The following LSM8 variants were observed in gnomAD, a reference collection of about 807,000 sequenced individuals.
LSM8 encodes LSM8 homolog, U6 small nuclear RNA associated.
LSM8 carries 14 observed loss-of-function variants against 15.0 expected under a neutral mutation model. That is an observed-to-expected ratio of 0.93 (90% CI 0.62 to 1.46). The LOEUF (loss-of-function observed/expected upper bound fraction) is 1.46. LSM8 is among the 40% of genes most tolerant of loss of function. The probability of loss-of-function intolerance (pLI) is 0.00; values close to 1 mark genes in which losing one functional copy is unlikely to be tolerated. For missense variants in LSM8, 90 were observed against 115.4 expected (o/e 0.78, Z 1.01); for synonymous variants, 50 against 42.1 (o/e 1.19, Z -0.73).
Position 118,201,789 on chromosome 7 carries a change from CTT to C in LSM8, c.*9791_*9792del, listed in dbSNP as rs1424814515. The stretch of plus-strand genomic sequence containing the variant: ...GTATACATTTGTGGTAACACTTTAA[CTT>C]TTTCCCTGTAAGGCCATCTTTTGTA... On this transcript the variant is annotated 3_prime_UTR_variant, in exon 4 of 4. Transcript: ENST00000249299. Among the ~76,000 whole-genome samples the C allele has an allele frequency of 6.6e-6, 1 of 152,010 alleles. No homozygotes were observed. Among genetic ancestry groups the C allele is most frequent in the African/African-American group, 2.4e-5 (1 of 41,410 alleles).
intron 2 of LSM8, among the ~76,000 whole-genome samples, chr7:118,186,506 C>T (rs1317204147): frequency 6.6e-6 from 1 of 151,872 alleles, no homozygotes; most frequent in Non-Finnish European, 1.5e-5. Context: ...TCACTGGGTC[C>T]TTAGTGACTA....
chr7:118,191,919 A>G lies in LSM8; in HGVS notation c.208A>G (p.Ile70Val), dbSNP rs1584707486. The G allele has an allele frequency of 6.2e-7, 1 of 1,610,618 alleles. No individual in the cohort carries two copies. Among genetic ancestry groups the G allele is most frequent in the East Asian group, 2.2e-5 (1 of 44,746 alleles). The change falls in exon 4 of 4, where the codon ATT (isoleucine) becomes GTT (valine). Residue 70 changes from isoleucine (I) to valine (V), a missense_variant. Coordinates refer to ENST00000249299, the MANE Select transcript of LSM8 (RefSeq NM_016200.5). ...TAACTCTGACTTTTTTAGTGCAGTC[A>G]TTGGAGAAATCGATGAAGAAACAGA... ...YIVRGDNVAV[I>V]GEIDEETDSA...
chr7:118,190,183 T>A (rs1420737179), intron 3 of LSM8: 1 of 152,212 alleles, frequency 6.6e-6, no homozygotes, highest in Non-Finnish European at 1.5e-5. Flanking sequence ...GAATAAATAA[T>A]TTGATCTGTA....
In LSM8 at chr7:118,202,430, C is replaced by G. The variant is rs10226152; in HGVS notation, c.*10428C>G. ...CCCAGTACCCAGGCCACTATTTTCT[C>G]TTTGCCATCCTTTTGTTCTAATAAT... On this transcript the variant is annotated 3_prime_UTR_variant, in exon 4 of 4. Transcript: ENST00000249299. 0.73 allele frequency among the ~76,000 whole-genome samples: 110,482 copies of G among 151,842 alleles called. 40,516 individuals are homozygous for G. Among genetic ancestry groups the G allele is most frequent in the South Asian group, 0.85 (4,073 of 4,812 alleles).
rs764435603 is a variant in LSM8, at chr7:118,192,014, A to G, written c.*12A>G. The stretch of plus-strand genomic sequence containing the variant: ...CTGTAGCACACTGAGGAAAAACTAC[A>G]TACTTGGACATCTGTAAATCTTTGT... On this transcript the variant is annotated 3_prime_UTR_variant, in exon 4 of 4. Coordinates refer to ENST00000249299, the MANE Select transcript of LSM8 (RefSeq NM_016200.5). 7.5e-5 allele frequency: 118 copies of G among 1,566,622 alleles called. 1 individual carries two copies. The South Asian group carries it at 1.2e-3, about 16-fold the overall frequency.
chr7:118,185,549 A>T (rs79298781), intron 1 of LSM8, 105 bp from the exon 2 acceptor site: 66,892 of 1,002,826 alleles, frequency 0.067, 2,525 homozygotes, highest in East Asian at 0.11. Flanking sequence ...TTGAATACTT[A>T]TACCTAGTTG....
chr7:118,191,869 A>C (rs1374041078), intron 3 of LSM8, 43 bp from the exon 4 acceptor site: 1 of 1,462,528 alleles, frequency 6.8e-7, no homozygotes, highest in Admixed American at 1.8e-5. Context: ...AACACATGTA[A>C]TTTATTTCAG....
Position 118,195,800 on chromosome 7 carries a change from T to A in LSM8, c.*3798T>A, listed in dbSNP as rs1809067927. Among the ~76,000 whole-genome samples, 1 of 152,188 alleles carries A rather than the reference T, an allele frequency of 6.6e-6. No homozygotes were observed. Among genetic ancestry groups the A allele is most frequent in the African/African-American group, 2.4e-5 (1 of 41,446 alleles). ...AAGTCATGGGCAAATTTGATAAAAA[T>A]TCCTTTCTGTCTACATGTAATACTG... On this transcript the variant is annotated 3_prime_UTR_variant, in exon 4 of 4. Coordinates refer to ENST00000249299, the MANE Select transcript of LSM8 (RefSeq NM_016200.5).
rs1000895155 is a variant in LSM8 at position 118,196,170 on chromosome 7, T to C, written c.*4168T>C. Reference sequence around the variant, plus strand: ...CAAGCCATTAATACATGCCAGGCAGTATGCTCAAAGCTGTGGATAGGCCAG... The same window carrying C: ...CAAGCCATTAATACATGCCAGGCAGCATGCTCAAAGCTGTGGATAGGCCAG... On this transcript the variant is annotated 3_prime_UTR_variant, in exon 4 of 4. Coordinates refer to ENST00000249299, the MANE Select transcript of LSM8 (RefSeq NM_016200.5). Among the ~76,000 whole-genome samples the C allele has an allele frequency of 6.6e-6, 1 of 152,186 alleles. No homozygotes were observed. The highest frequency in any genetic ancestry group is 6.5e-5 in the Admixed American group (1 of 15,282).
chr7:118,186,020 A>C (rs2116318053), intron 2 of LSM8, among the ~76,000 whole-genome samples: 1 of 152,096 alleles, frequency 6.6e-6, no homozygotes, highest in East Asian at 1.9e-4. Context: ...AATTTTTTTG[A>C]AATTTTGCAT....
rs1309738357 is a variant in LSM8 at position 118,202,373 on chromosome 7, GT to G, written c.*10373del. On this transcript the variant is annotated 3_prime_UTR_variant, in exon 4 of 4. Coordinates refer to ENST00000249299, the MANE Select transcript of LSM8 (RefSeq NM_016200.5). ...GAACAGAAAAGTGAAAAGCAAGGCA[GT>G]TCAGACTGGGGCACCTACTCAAAGA... Among the ~76,000 whole-genome samples the G allele has an allele frequency of 6.6e-6, 1 of 151,978 alleles. No individual in the cohort carries two copies. Among genetic ancestry groups the G allele is most frequent in the Non-Finnish European group, 1.5e-5 (1 of 67,946 alleles).
rs952124856 is a variant in LSM8, at chr7:118,196,116, G to C, written c.*4114G>C. ...CCTGTCCACAAACTTCAAAAAAATA[G>C]ATTTTGGAATTTTGTCAGGGACACT... On this transcript the variant is annotated 3_prime_UTR_variant, in exon 4 of 4. Transcript: ENST00000249299. Among the ~76,000 whole-genome samples the C allele has an allele frequency of 1.8e-4, 27 of 152,102 alleles. No homozygotes were observed. Among genetic ancestry groups the C allele is most frequent in the African/African-American group, 6.5e-4 (27 of 41,410 alleles).
In LSM8 at chr7:118,194,771, C is replaced by T. The variant is rs993953486; in HGVS notation, c.*2769C>T. ...GCCAGGGTTGTAAGGCAACTCTTAA[C>T]TGACAATATAGTTAGTATATTCTGG... On this transcript the variant is annotated 3_prime_UTR_variant, in exon 4 of 4. Transcript: ENST00000249299. Among the ~76,000 whole-genome samples, 5 of 152,212 alleles carry T rather than the reference C, an allele frequency of 3.3e-5. No homozygotes were observed. Among genetic ancestry groups the T allele is most frequent in the African/African-American group, 1.2e-4 (5 of 41,532 alleles).
chr7:118,197,672 C>T lies in LSM8; in HGVS notation c.*5670C>T, dbSNP rs549482607. 1.3e-5 allele frequency among the ~76,000 whole-genome samples: 2 copies of T among 152,140 alleles called. No homozygotes were observed. The highest frequency in any genetic ancestry group is 3.9e-4 in the East Asian group (2 of 5,188). On this transcript the variant is annotated 3_prime_UTR_variant, in exon 4 of 4. Coordinates refer to ENST00000249299, the MANE Select transcript of LSM8 (RefSeq NM_016200.5). ...GATAAGCTTTATTTTAATTGTGATT[C>T]TGCTAATTACAGAGACACTTCAATT...
Position 118,192,074 on chromosome 7 carries a change from G to GT in LSM8, c.*77dup. On this transcript the variant is annotated 3_prime_UTR_variant, in exon 4 of 4. Coordinates refer to ENST00000249299, the MANE Select transcript of LSM8 (RefSeq NM_016200.5). ...GATTATTCTGAGGATGATATATGGA[G>GT]TTTTTATGAGTGTGTCACTGGATTT... is the stretch of plus-strand genomic sequence containing the variant. 2 of 1,110,582 alleles carry GT rather than the reference G, an allele frequency of 1.8e-6. No individual in the cohort carries two copies. The highest frequency in any genetic ancestry group is 2.6e-6 in the Non-Finnish European group (2 of 770,832). 68.8% of individuals were successfully genotyped at this position (1,110,582 alleles called of 1,614,324 possible).
At position 118,200,402 on chromosome 7, in the gene LSM8, C is replaced by A. The variant is rs1277202387; in HGVS notation, c.*8400C>A. 6.6e-6 allele frequency among the ~76,000 whole-genome samples: 1 copy of A among 152,074 alleles called. No individual in the cohort carries two copies. Among genetic ancestry groups the A allele is most frequent in the Non-Finnish European group, 1.5e-5 (1 of 67,998 alleles). On this transcript the variant is annotated 3_prime_UTR_variant, in exon 4 of 4. Transcript: ENST00000249299. ...GCCCTACACAGCATCTTTAAGAAAG[C>A]TTTAATTTTGGTTTTTCAGAGCAAT... is the stretch of plus-strand genomic sequence containing the variant.
At chr7:118,185,000 G>A (rs1054413857) in intron 1 of LSM8, 1 of 152,146 alleles carries the variant, frequency 6.6e-6, no homozygotes, top group Non-Finnish European at 1.5e-5. Flanking sequence ...TTTTTAACAT[G>A]CTGGAAAATC....
rs1809041598 is a variant in LSM8 at position 118,194,386 on chromosome 7, A to C, written c.*2384A>C. On this transcript the variant is annotated 3_prime_UTR_variant, in exon 4 of 4. Coordinates refer to ENST00000249299, the MANE Select transcript of LSM8 (RefSeq NM_016200.5). ...GACTTTTTTTTTTTTAACTGACAAG[A>C]TACTATCTAAACTAATAGTTTAAAA... Among the ~76,000 whole-genome samples, 1 of 151,778 alleles carries C rather than the reference A, an allele frequency of 6.6e-6. No homozygotes were observed. The highest frequency in any genetic ancestry group is 2.1e-4 in the South Asian group (1 of 4,828).
In LSM8 at chr7:118,203,237, G is replaced by A. The variant is rs571600153; in HGVS notation, c.*11235G>A. 1.3e-5 allele frequency among the ~76,000 whole-genome samples: 2 copies of A among 151,988 alleles called. No individual in the cohort carries two copies. The highest frequency in any genetic ancestry group is 3.4e-3 in the Middle Eastern group (1 of 294). Reference sequence around the variant, plus strand: ...AGATTTTAAATTGTACAGGAGAAATGCTTATATGAGAACAGAATTATGGGG... The same window carrying A: ...AGATTTTAAATTGTACAGGAGAAATACTTATATGAGAACAGAATTATGGGG... On this transcript the variant is annotated 3_prime_UTR_variant, in exon 4 of 4. Transcript: ENST00000249299.
Sources: gnomAD v4.1 joint callset for allele counts (sites outside exome capture counted in the v4.1 genomes callset) on GRCh38, gnomAD v4.1.1 for gene constraint, MANE v1.5 for transcripts, NCBI Gene and HGNC (gene_info 2026-07-23, HGNC 2026-07-21) for gene names.